The following IDNK variants were observed in gnomAD, a reference collection of about 807,000 sequenced individuals.
IDNK encodes gluconokinase.
Under a neutral mutation model 13.0 loss-of-function variants are expected in IDNK, and 9 were observed. The ratio of observed to expected loss-of-function variants is 0.69; its 90% CI spans 0.42 to 1.21. The LOEUF (loss-of-function observed/expected upper bound fraction) is 1.21, where lower values mean the gene tolerates loss of function less well. Among genes scored for constraint, IDNK ranks in the 50% most tolerant of loss-of-function variants. The probability of loss-of-function intolerance (pLI) is 0.00; values close to 1 mark genes in which losing one functional copy is unlikely to be tolerated. For missense variants in IDNK, 210 were observed against 237.8 expected, an observed-to-expected ratio of 0.88 and a Z score of 0.77; for synonymous variants, 92 against 94.9, an observed-to-expected ratio of 0.97 and a Z score of 0.18.
At chr9:83,641,257 C>A (rs1044728739) in intron 3 of IDNK, among the ~76,000 whole-genome samples, 1 of 152,086 alleles carries the variant, frequency 6.6e-6, no homozygotes, top group Non-Finnish European at 1.5e-5. Flanking sequence ...GATTTGTAAA[C>A]GTATCAGAAC....
rs192979705 is a variant in IDNK at position 83,624,308 on chromosome 9, A to C, written c.50+1087A>C. ...CTGTGTGAGCCTGGGCAGTTCATGTACCCCCTCTGAGTCTTGAATCAGATG... is the reference window on the plus strand; with the variant it reads ...CTGTGTGAGCCTGGGCAGTTCATGTCCCCCCTCTGAGTCTTGAATCAGATG... On this transcript the variant is annotated intron_variant, in intron 1 of 4. Coordinates refer to ENST00000376419, the MANE Select transcript of IDNK (RefSeq NM_001001551.4). Among the ~76,000 whole-genome samples the C allele has an allele frequency of 2.0e-3, 297 of 152,110 alleles. 2 individuals are homozygous for C. The highest frequency in any genetic ancestry group is 6.9e-3 in the African/African-American group (286 of 41,482).
chr9:83,640,133 G>C (rs1831263602), intron 3 of IDNK, among the ~76,000 whole-genome samples: 2 of 152,122 alleles, frequency 1.3e-5, no homozygotes, highest in South Asian at 4.1e-4. Flanking sequence ...TAGAAAACCT[G>C]AATACAATAC....
At position 83,643,537 on chromosome 9, in the gene IDNK, G is replaced by A. The variant is rs2131123549; in HGVS notation, c.321G>A (p.Glu107=). ...GKDGVALKCE[E]SGKEAKQAEM... ...ATGGTGTAGCTCTGAAGTGTGAGGA[G>A]TCGGGAAAGGAAGCAAAGCAGGCTG... is the stretch of plus-strand genomic sequence containing the variant. The change falls in exon 5 of 5, where the codon GAG becomes GAA. Residue 107 remains glutamate (E), a synonymous_variant. Coordinates refer to ENST00000376419, the MANE Select transcript of IDNK (RefSeq NM_001001551.4). 2 of 1,613,874 alleles carry A rather than the reference G, an allele frequency of 1.2e-6. No individual in the cohort carries two copies. Among genetic ancestry groups the A allele is most frequent in the South Asian group, 2.2e-5 (2 of 91,064 alleles).
chr9:83,628,499 A>G (rs1202567120), intron 2 of IDNK, among the ~76,000 whole-genome samples: 1 of 152,158 alleles, frequency 6.6e-6, no homozygotes, highest in Non-Finnish European at 1.5e-5. Flanking sequence ...AAATACAAAA[A>G]TTAGCCGGGC....
chr9:83,640,737 C>G (rs764729455), intron 3 of IDNK, among the ~76,000 whole-genome samples: 4 of 152,158 alleles, frequency 2.6e-5, no homozygotes, highest in Non-Finnish European at 5.9e-5. Context: ...CCCAGCTACT[C>G]AGGAGGCTGA....
Position 83,643,596 on chromosome 9 carries a change from C to A in IDNK, c.380C>A (p.Ser127Ter). Residue 127 changes from serine to a stop codon, truncating the protein, a stop_gained, in exon 5 of 5, where the codon TCG (serine) becomes TAG (stop). Coordinates refer to ENST00000376419, the MANE Select transcript of IDNK (RefSeq NM_001001551.4). LOFTEE classifies it high-confidence loss of function. Reference sequence around the variant, plus strand: ...CTCCTGGTGGTCCATCTGAGCGGGTCGTTTGAGGTCATCTCTGGACGCTTA... The same window carrying A: ...CTCCTGGTGGTCCATCTGAGCGGGTAGTTTGAGGTCATCTCTGGACGCTTA... ...MQLLVVHLSG[S>*]FEVISGRLLK... 2 of 1,613,786 alleles carry A rather than the reference C, an allele frequency of 1.2e-6. No individual in the cohort carries two copies. Among genetic ancestry groups the A allele is most frequent in the Non-Finnish European group, 1.7e-6 (2 of 1,179,976 alleles).
At chr9:83,628,796 C>G in intron 2 of IDNK, 77 bp from the exon 3 acceptor site, 1 of 1,013,380 alleles carries the variant, frequency 9.9e-7, no homozygotes, top group South Asian at 1.3e-5. Flanking sequence ...TCTACACCTG[C>G]CTGTTAGTAA....
chr9:83,630,754 A>AATTG (rs1830987259), intron 3 of IDNK, among the ~76,000 whole-genome samples: 1 of 152,196 alleles, frequency 6.6e-6, no homozygotes, highest in African/African-American at 2.4e-5. Flanking sequence ...AAGCAACCAA[A>AATTG]ATTGATAGAT....
At chr9:83,626,672 C>T in intron 1 of IDNK, 2 of 1,264,288 alleles carry the variant, frequency 1.6e-6, no homozygotes, top group Non-Finnish European at 2.1e-6. Context: ...CTGCCTCAGC[C>T]TCCCAAAGTG....
At chr9:83,643,067 C>T (rs1007744585) in intron 4 of IDNK, among the ~76,000 whole-genome samples, 4 of 152,176 alleles carry the variant, frequency 2.6e-5, no homozygotes, top group African/African-American at 4.8e-5. Context: ...CCACACACTG[C>T]GACAGAGCAA....
At chr9:83,642,157 C>A (rs527641312) in intron 4 of IDNK, among the ~76,000 whole-genome samples, 19 of 96,414 alleles carry the variant, frequency 2.0e-4, no homozygotes, top group African/African-American at 7.7e-4. Flanking sequence ...CGAACAGGGT[C>A]CCCCCCCAAC....
intron 3 of IDNK, among the ~76,000 whole-genome samples, chr9:83,632,126 T>G (rs1398290976): frequency 6.6e-6 from 1 of 152,132 alleles, no homozygotes; most frequent in East Asian, 1.9e-4. Context: ...ATTCTTCTTT[T>G]TCATGGAGGG....
intron 3 of IDNK, among the ~76,000 whole-genome samples, chr9:83,632,195 C>G (rs1042700193): frequency 2.0e-5 from 3 of 152,072 alleles, no homozygotes; most frequent in African/African-American, 7.2e-5. Flanking sequence ...ACACCCATCT[C>G]CCCGCCATTC....
chr9:83,632,856 T>C (rs1468587765), intron 3 of IDNK, among the ~76,000 whole-genome samples: 1 of 152,208 alleles, frequency 6.6e-6, no homozygotes, highest in Non-Finnish European at 1.5e-5. Flanking sequence ...AATATCTCCT[T>C]CTTCCAATTT....
At chr9:83,637,354 A>G (rs1831192514) in intron 3 of IDNK, among the ~76,000 whole-genome samples, 1 of 152,262 alleles carries the variant, frequency 6.6e-6, no homozygotes, top group Non-Finnish European at 1.5e-5. Context: ...TATTATTTCT[A>G]ATTCTCCTCT....
chr9:83,638,660 T>C (rs1831223950), intron 3 of IDNK, among the ~76,000 whole-genome samples: 1 of 152,176 alleles, frequency 6.6e-6, no homozygotes, highest in Admixed American at 6.5e-5. Flanking sequence ...AGAGATAAGA[T>C]ATATTTTCTA....
At chr9:83,630,684 G>C (rs1830985781) in intron 3 of IDNK, among the ~76,000 whole-genome samples, 1 of 152,214 alleles carries the variant, frequency 6.6e-6, no homozygotes, top group Non-Finnish European at 1.5e-5. Flanking sequence ...GACTGTGCCA[G>C]TGTTATTTTA....
At chr9:83,633,275 C>T (rs552268826) in intron 3 of IDNK, among the ~76,000 whole-genome samples, 2 of 152,194 alleles carry the variant, frequency 1.3e-5, no homozygotes, top group South Asian at 4.2e-4. Context: ...GGAGGTGGAG[C>T]TTGCAGTGAG....
intron 3 of IDNK, among the ~76,000 whole-genome samples, chr9:83,631,451 G>GAAAAAAAAAAAAAAAA (rs57832482): frequency 1.8e-5 from 1 of 56,946 alleles, no homozygotes. Flanking sequence ...TACAAAAACT[G>GAAAAAAAAAAAAAAAA]AAAAAAAAAA....
Sources: allele counts gnomAD v4.1 joint callset (sites outside exome capture counted in the v4.1 genomes callset), GRCh38; gene constraint gnomAD v4.1.1; transcripts MANE v1.5; gene names NCBI Gene and HGNC (gene_info 2026-07-23, HGNC 2026-07-21).